DNAJC17: variants seen among roughly 807,000 people sequenced by gnomAD.
DNAJC17 encodes dnaJ homolog subfamily C member 17.
Under a neutral mutation model 48.1 loss-of-function variants are expected in DNAJC17, and 35 were observed. The observed-to-expected ratio is 0.73, with a 90% confidence interval of 0.56 to 0.96. DNAJC17 has a LOEUF of 0.96. Ranked by LOEUF, DNAJC17 falls within the 50% of genes least tolerant of loss-of-function variation. DNAJC17 has a pLI of 0.00. For synonymous variants in DNAJC17, 117 were observed against 142.7 expected, an observed-to-expected ratio of 0.82 and a Z score of 1.28; for missense variants, 355 against 377.1, an observed-to-expected ratio of 0.94 and a Z score of 0.48.
rs922370994 is a variant in DNAJC17, at chr15:40,767,639, G to A, written c.*301C>T. 6 of 582,922 alleles carry A rather than the reference G, an allele frequency of 1.0e-5. No individual in the cohort carries two copies. The highest frequency in any genetic ancestry group is 9.7e-5 in the African/African-American group (5 of 51,652). 36.1% of individuals were successfully genotyped at this position (582,922 alleles called of 1,614,324 possible). ...GGGCAGCTGCCCCGGGCCGGAGCTG[G>A]GCACTCCAGCGGCCCTGGCGCGTGG... On this transcript the variant is annotated 3_prime_UTR_variant, in exon 11 of 11. Coordinates refer to ENST00000220496, the MANE Select transcript of DNAJC17 (RefSeq NM_018163.3).
chr15:40,772,874 C>A (rs1889192899), intron 10 of DNAJC17, among the ~76,000 whole-genome samples: 1 of 152,054 alleles, frequency 6.6e-6, no homozygotes, highest in Non-Finnish European at 1.5e-5. Context: ...TACACACAAG[C>A]TGGAAGGTCT....
At chr15:40,781,595 G>T (rs531219667) in intron 1 of DNAJC17, among the ~76,000 whole-genome samples, 75 of 152,076 alleles carry the variant, frequency 4.9e-4, no homozygotes, top group African/African-American at 1.7e-3. Context: ...GTAGACAGAG[G>T]TATCCATGTT....
rs1310334989 is a variant in DNAJC17 at position 40,765,994 on chromosome 15, T to C, written c.*1946A>G. The C allele has an allele frequency of 1.9e-5, 13 of 695,278 alleles. No individual in the cohort carries two copies. The Admixed American group carries it at 3.5e-4, about 19-fold the overall frequency. 43.1% of individuals were successfully genotyped at this position (695,278 alleles called of 1,614,324 possible). A position where few individuals can be genotyped will look rare whatever the true frequency, so the allele number is the denominator to read the frequency against. ...CTGCCTCTGCTCCCTTTATACAACC[T>C]CCAAGCCCAGGGACAGGGCCCAGCA... On this transcript the variant is annotated 3_prime_UTR_variant, in exon 11 of 11. Coordinates refer to ENST00000220496, the MANE Select transcript of DNAJC17 (RefSeq NM_018163.3).
intron 9 of DNAJC17, 126 bp from the exon 10 acceptor site, chr15:40,773,963 C>A: frequency 1.2e-6 from 1 of 823,982 alleles, no homozygotes; most frequent in South Asian, 1.8e-5. Flanking sequence ...ACCTCAGCAG[C>A]CTTCAAGTGA....
At chr15:40,786,759 G>C (rs1327228173) in intron 1 of DNAJC17, among the ~76,000 whole-genome samples, 2 of 152,180 alleles carry the variant, frequency 1.3e-5, no homozygotes, top group African/African-American at 4.8e-5. Flanking sequence ...CTCTTTCTAA[G>C]GCCCAGCCTC....
chr15:40,802,140 G>A (rs1352743759), intron 1 of DNAJC17, among the ~76,000 whole-genome samples: 1 of 151,828 alleles, frequency 6.6e-6, no homozygotes, highest in Non-Finnish European at 1.5e-5. Flanking sequence ...GGAAGGAGCA[G>A]GTTTGGAGAG....
intron 1 of DNAJC17, among the ~76,000 whole-genome samples, chr15:40,782,583 T>G (rs1342769019): frequency 1.3e-5 from 2 of 152,026 alleles, no homozygotes; most frequent in Non-Finnish European, 2.9e-5. Flanking sequence ...GCTTTCTCCC[T>G]TCTGCTTGGT....
rs1889123086 is a variant in DNAJC17 at position 40,770,997 on chromosome 15, C to A, written c.792+2730G>T. The A allele has an allele frequency of 1.9e-6, 3 of 1,550,982 alleles. 1 individual carries two copies. The South Asian group carries it at 3.6e-5, about 18-fold the overall frequency. On this transcript the variant is annotated intron_variant, in intron 10 of 10. Transcript: ENST00000220496. The surrounding 1 kb of genome is among the most constrained non-coding windows in gnomAD (Gnocchi z 5.0). ...GGAAGTTCTGCAGATGCTAAGGGAG[C>A]AGTTTCCTAGCGAGCCCAGCTTCTA...
At chr15:40,794,955 G>A (rs1889909977) in intron 1 of DNAJC17, among the ~76,000 whole-genome samples, 1 of 152,014 alleles carries the variant, frequency 6.6e-6, no homozygotes, top group African/African-American at 2.4e-5. Context: ...CTGACCTCAG[G>A]TGAGCCCCCC....
chr15:40,765,781 C>A lies in DNAJC17; in HGVS notation c.*2159G>T. On this transcript the variant is annotated 3_prime_UTR_variant, in exon 11 of 11. Transcript: ENST00000220496. ...AGGAAGGACAGGCAAGACCTTCCAC[C>A]TCCTCCTGGCAGCCAGCCAAGCAGC... 1.0e-6 allele frequency: 1 copy of A among 993,978 alleles called. No homozygotes were observed. Among genetic ancestry groups the A allele is most frequent in the Non-Finnish European group, 1.5e-6 (1 of 661,616 alleles). 61.6% of individuals were successfully genotyped at this position (993,978 alleles called of 1,614,324 possible).
At chr15:40,794,303 T>C (rs990079714) in intron 1 of DNAJC17, among the ~76,000 whole-genome samples, 7 of 151,734 alleles carry the variant, frequency 4.6e-5, no homozygotes, top group African/African-American at 1.5e-4. Flanking sequence ...TGAGCTGAGA[T>C]TGTGCCACTG....
intron 1 of DNAJC17, among the ~76,000 whole-genome samples, chr15:40,798,547 T>C (rs993642516): frequency 3.3e-5 from 5 of 152,104 alleles, no homozygotes; most frequent in African/African-American, 1.2e-4. Context: ...TTGTAGGAAA[T>C]ATCAGGAGGA....
chr15:40,796,965 C>T (rs1482462146), intron 1 of DNAJC17, among the ~76,000 whole-genome samples: 1 of 151,942 alleles, frequency 6.6e-6, no homozygotes, highest in Non-Finnish European at 1.5e-5. Flanking sequence ...CAGGGTTTTG[C>T]CGTGTTGCTC....
At chr15:40,791,733 T>A (rs1889812526) in intron 1 of DNAJC17, among the ~76,000 whole-genome samples, 2 of 151,858 alleles carry the variant, frequency 1.3e-5, no homozygotes, top group Non-Finnish European at 2.9e-5. Context: ...TAATCCCAGC[T>A]ACTGGGGAGG....
In DNAJC17 at chr15:40,779,911, C is replaced by T; in HGVS notation, c.148+17G>A. 6 of 1,613,112 alleles carry T rather than the reference C, an allele frequency of 3.7e-6. No homozygotes were observed. Among genetic ancestry groups the T allele is most frequent in the Non-Finnish European group, 5.1e-6 (6 of 1,179,746 alleles). On this transcript the variant is annotated intron_variant, in intron 2 of 10. Transcript: ENST00000220496. Reference sequence around the variant, plus strand: ...TGAGTGGGTTTCTTTCTCCCCACGCCCTGAGAAGAGTCTCACCTGCTCTGG... The same window carrying T: ...TGAGTGGGTTTCTTTCTCCCCACGCTCTGAGAAGAGTCTCACCTGCTCTGG...
chr15:40,778,666 G>A (rs998690579), intron 4 of DNAJC17, among the ~76,000 whole-genome samples: 5 of 152,148 alleles, frequency 3.3e-5, no homozygotes, highest in South Asian at 2.1e-4. Flanking sequence ...GGCCAGGTGC[G>A]GCAGCTCACC....
intron 5 of DNAJC17, 29 bp from the exon 6 acceptor site, chr15:40,776,321 T>C (rs772718887): frequency 6.2e-7 from 1 of 1,604,814 alleles, no homozygotes; most frequent in Non-Finnish European, 8.5e-7. Context: ...GGGTGACAAT[T>C]CTGTGCAGGT....
chr15:40,801,292 T>C (rs923429130), intron 1 of DNAJC17, among the ~76,000 whole-genome samples: 1 of 151,778 alleles, frequency 6.6e-6, no homozygotes, highest in Non-Finnish European at 1.5e-5. Flanking sequence ...CAAACTGAAA[T>C]AAGTGCTAGA....
At chr15:40,780,824 A>G (rs936215807) in intron 1 of DNAJC17, among the ~76,000 whole-genome samples, 1 of 150,696 alleles carries the variant, frequency 6.6e-6, no homozygotes, top group Non-Finnish European at 1.5e-5. Flanking sequence ...AATAAAATAA[A>G]ATAAAATAAA....
Sources: gnomAD v4.1 joint callset for allele counts (sites outside exome capture counted in the v4.1 genomes callset) on GRCh38, gnomAD v4.1.1 for gene constraint, Gnocchi (gnomAD v3.1) non-coding constraint, MANE v1.5 for transcripts, NCBI Gene and HGNC (gene_info 2026-07-23, HGNC 2026-07-21) for gene names.